PMFBP1: variants seen among roughly 807,000 people sequenced by gnomAD.
PMFBP1 encodes polyamine modulated factor 1 binding protein 1, also known as polyamine-modulated factor 1-binding protein 1.
PMFBP1 carries 131 observed loss-of-function variants against 137.8 expected under a neutral mutation model. That is an observed-to-expected ratio of 0.95 (90% CI 0.82 to 1.10). The LOEUF (loss-of-function observed/expected upper bound fraction) is 1.10, where lower values mean the gene tolerates loss of function less well. Ranked by LOEUF, PMFBP1 falls within the 50% of genes least tolerant of loss-of-function variation. The probability of loss-of-function intolerance (pLI) is 0.00; values close to 1 mark genes in which losing one functional copy is unlikely to be tolerated. For synonymous variants in PMFBP1, 490 were observed against 450.4 expected (o/e 1.09, Z -1.11); for missense variants, 1,199 against 1,175.4 (o/e 1.02, Z -0.29).
At chr16:72,181,108 G>T (rs553780778), upstream of PMFBP1, among the ~76,000 whole-genome samples, 3 of 151,722 alleles carry the variant, frequency 2.0e-5, no homozygotes, top group African/African-American at 7.3e-5. Context: ...ACGTGGTGGC[G>T]CGCGCCTGTA....
chr16:72,229,960 A>G, the PMFBP1 span, among the ~76,000 whole-genome samples: 2 of 152,184 alleles, frequency 1.3e-5, no homozygotes, highest in Admixed American at 1.3e-4. Context: ...ATATTACCAG[A>G]GGGCTGGAGG....
At chr16:72,155,185 G>A (rs1190681582) in intron 3 of PMFBP1, among the ~76,000 whole-genome samples, 4 of 152,122 alleles carry the variant, frequency 2.6e-5, no homozygotes, top group Non-Finnish European at 1.5e-5. Context: ...CTGCTGGTAG[G>A]ACACATCCCT....
chr16:72,150,957 C>T (rs1051278291), intron 4 of PMFBP1, 128 bp from the exon 5 acceptor site: 1 of 754,952 alleles, frequency 1.3e-6, no homozygotes. Context: ...AGAAGAGAGG[C>T]TGCACAGATC....
At chr16:72,118,769 G>GC (rs1469733826), downstream of PMFBP1, among the ~76,000 whole-genome samples, 1 of 151,766 alleles carries the variant, frequency 6.6e-6, no homozygotes, top group Non-Finnish European at 1.5e-5. Context: ...TGGGCGGGGG[G>GC]GCAGGTGGCG....
At chr16:72,183,682 TG>T in the PMFBP1 span, among the ~76,000 whole-genome samples, 1 of 151,968 alleles carries the variant, frequency 6.6e-6, no homozygotes, top group African/African-American at 2.4e-5. Context: ...TGAATTGGGG[TG>T]GGGGCAACAC....
At chr16:72,228,686 G>T in the PMFBP1 span, among the ~76,000 whole-genome samples, 1 of 152,154 alleles carries the variant, frequency 6.6e-6, no homozygotes, top group African/African-American at 2.4e-5. Flanking sequence ...AATTTGGGGT[G>T]CCTCTCTATT....
At chr16:72,148,583 GAA>G (rs1455417552) in intron 5 of PMFBP1, among the ~76,000 whole-genome samples, 4 of 152,008 alleles carry the variant, frequency 2.6e-5, no homozygotes, top group Admixed American at 1.3e-4. Flanking sequence ...AAAGTAAAAT[GAA>G]AAGTTACAGA....
chr16:72,126,846 C>T (rs902794771), intron 14 of PMFBP1, among the ~76,000 whole-genome samples: 9 of 152,180 alleles, frequency 5.9e-5, no homozygotes, highest in African/African-American at 2.2e-4. Context: ...GGTCCAGGTT[C>T]TATCATTTAC....
chr16:72,188,600 T>C, the PMFBP1 span, among the ~76,000 whole-genome samples: 1 of 152,142 alleles, frequency 6.6e-6, no homozygotes, highest in African/African-American at 2.4e-5. Context: ...GTATGAAGGA[T>C]GGAAAATAAA....
At chr16:72,150,873 G>A (rs757330100) in intron 4 of PMFBP1, 44 bp from the exon 5 acceptor site, 15 of 1,531,872 alleles carry the variant, frequency 9.8e-6, no homozygotes, top group South Asian at 5.6e-5. Context: ...ATGGAAGCAC[G>A]TAATGAGGAA....
At chr16:72,172,382 G>T (rs1294845190), upstream of PMFBP1, 1 of 150,654 alleles carries the variant, frequency 6.6e-6, no homozygotes, top group African/African-American at 2.5e-5. Context: ...TGTCCTTTAT[G>T]AGTCAGCTGG....
chr16:72,168,561 C>A (rs1366409112), intron 2 of PMFBP1, among the ~76,000 whole-genome samples: 1 of 152,194 alleles, frequency 6.6e-6, no homozygotes, highest in African/African-American at 2.4e-5. Flanking sequence ...ATTACTGGGG[C>A]ATGAGATGAA....
At chr16:72,212,478 T>C in the PMFBP1 span, among the ~76,000 whole-genome samples, 3 of 142,702 alleles carry the variant, frequency 2.1e-5, no homozygotes, top group African/African-American at 8.2e-5. Flanking sequence ...TAACGGGTTG[T>C]ATTGGAAAAA....
the PMFBP1 span, among the ~76,000 whole-genome samples, chr16:72,236,389 G>C: frequency 6.6e-6 from 1 of 152,138 alleles, no homozygotes; most frequent in Non-Finnish European, 1.5e-5. Flanking sequence ...CATTTAACAA[G>C]GTACTACAAG....
At chr16:72,155,782 G>T (rs557976488) in intron 3 of PMFBP1, among the ~76,000 whole-genome samples, 128 of 152,162 alleles carry the variant, frequency 8.4e-4, no homozygotes, top group African/African-American at 3.0e-3. Flanking sequence ...TTATAGAATT[G>T]TGTGACCATC....
chr16:72,169,047 T>C (rs531914296), intron 2 of PMFBP1, among the ~76,000 whole-genome samples: 1 of 152,294 alleles, frequency 6.6e-6, no homozygotes, highest in African/African-American at 2.4e-5. Flanking sequence ...CCCAAGAGCA[T>C]TGCAAAGATT....
At chr16:72,192,121 T>C in the PMFBP1 span, among the ~76,000 whole-genome samples, 98 of 152,184 alleles carry the variant, frequency 6.4e-4, no homozygotes, top group Non-Finnish European at 1.8e-4. Context: ...TGTTTATTAT[T>C]TACCTGTGAT....
At chr16:72,175,191 C>G (rs1168741225), upstream of PMFBP1, among the ~76,000 whole-genome samples, 1 of 152,234 alleles carries the variant, frequency 6.6e-6, no homozygotes, top group Admixed American at 6.5e-5. Flanking sequence ...ATCTGGGAAT[C>G]TATTGTTTTC....
chr16:72,233,591 A>T, the PMFBP1 span, among the ~76,000 whole-genome samples: 1 of 152,198 alleles, frequency 6.6e-6, no homozygotes, highest in African/African-American at 2.4e-5. Flanking sequence ...CATGCCACAG[A>T]ATTCAACCCT....
Sources: allele counts gnomAD v4.1 joint callset (sites outside exome capture counted in the v4.1 genomes callset), GRCh38; gene constraint gnomAD v4.1.1; transcripts MANE v1.5; gene names NCBI Gene and HGNC (gene_info 2026-07-23, HGNC 2026-07-21).